Variants in SLC35F3 observed in about 807,000 individuals in gnomAD.
SLC35F3 encodes the protein solute carrier family 35 member F3, also known as putative thiamine transporter SLC35F3.
In SLC35F3, 25 loss-of-function variants were observed where a neutral mutation model predicts 49.9. The observed-to-expected ratio is 0.50, with a 90% CI of 0.37 to 0.70. The LOEUF is 0.70. Among genes scored for constraint, SLC35F3 ranks in the 30% least tolerant of loss-of-function variants. The pLI is 0.00. For missense variants in SLC35F3, 525 were observed against 639.8 expected (o/e 0.82, Z 1.94); for synonymous variants, 275 against 265.4 (o/e 1.04, Z -0.35).
chr1:234,110,690 G>A (rs4489630), intron 2 of SLC35F3, among the ~76,000 whole-genome samples: 13,811 of 152,144 alleles, frequency 0.091, 1,138 homozygotes, highest in African/African-American at 0.22. Context: ...TAGCCAGGAT[G>A]CTATGGAAGA....
intron 2 of SLC35F3, among the ~76,000 whole-genome samples, chr1:234,167,328 A>G (rs1666335197): frequency 6.6e-6 from 1 of 152,316 alleles, no homozygotes; most frequent in Admixed American, 6.5e-5. Context: ...GGCTCAGAGA[A>G]GCCAAGGAAA....
In SLC35F3 at chr1:233,905,052, C is replaced by T. The variant is rs1305812404; in HGVS notation, c.-26C>T. ...GGCCCCTCCGCCTCAAGTCTGGGAG[C>T]TGCCGGTCCCACTCTGTCTTTGCCT... On this transcript the variant is annotated 5_prime_UTR_variant, in exon 1 of 8. Transcript: ENST00000366618. 6.4e-7 allele frequency: 1 copy of T among 1,552,740 alleles called. No homozygotes were observed. The highest frequency in any genetic ancestry group is 8.7e-7 in the Non-Finnish European group (1 of 1,147,504).
At chr1:234,045,040 T>G (rs2358208) in intron 2 of SLC35F3, among the ~76,000 whole-genome samples, 11,285 of 152,188 alleles carry the variant, frequency 0.074, 665 homozygotes, top group East Asian at 0.25. Context: ...CTCCCTGTGC[T>G]TCAAGGTTGC....
Position 234,231,566 on chromosome 1 carries a change from G to C in SLC35F3, c.433G>C (p.Val145Leu), listed in dbSNP as rs1667376316. The C allele has an allele frequency of 6.2e-7, 1 of 1,614,180 alleles. No homozygotes were observed. The highest frequency in any genetic ancestry group is 8.5e-7 in the Non-Finnish European group (1 of 1,180,012). ...IFWGVAVVLCVCSSWAGSTQL... is the reference protein window; with the variant it reads ...IFWGVAVVLCLCSSWAGSTQL... ...CTGGGGCGTGGCGGTCGTGCTGTGC[G>C]TGTGCTCCTCGTGGGCGGGCTCCAC... is the stretch of plus-strand genomic sequence containing the variant. The change falls in exon 3 of 8, where the codon GTG becomes CTG. Residue 145 changes from valine (V) to leucine (L), a missense_variant. Coordinates refer to ENST00000366618, the MANE Select transcript of SLC35F3 (RefSeq NM_173508.4). This position sits in a 1 kb window ranked among gnomAD's most constrained non-coding sequence, Gnocchi z 5.4.
intron 3 of SLC35F3, among the ~76,000 whole-genome samples, chr1:234,257,767 C>T (rs1667844639): frequency 6.6e-6 from 1 of 152,264 alleles, no homozygotes; most frequent in Middle Eastern, 3.4e-3. Flanking sequence ...AAACTAATAG[C>T]TAATACAGTG....
Position 234,282,613 on chromosome 1 carries a change from G to A in SLC35F3, c.609-26488G>A, listed in dbSNP as rs12408404. On this transcript the variant is annotated intron_variant, in intron 3 of 7. Transcript: ENST00000366618. ...GGAGAATGAAAGATGGCAGAGCACC[G>A]CCAAAAGAAAACTGGTTCCATGCAA... is the stretch of plus-strand genomic sequence containing the variant. Among the ~76,000 whole-genome samples, 624 of 152,296 alleles carry A rather than the reference G, an allele frequency of 4.1e-3. 9 individuals are homozygous for A. The highest frequency in any genetic ancestry group is 0.022 in the Admixed American group (340 of 15,296).
rs774187269 is a variant in SLC35F3 at position 233,905,723 on chromosome 1, A to G, written c.248A>G (p.Tyr83Cys). ...IEERILRITG[Y>C]YGYQPWAASC... ...GAGCGGATCCTGCGCATCACTGGCT[A>G]CTATGGCTACCAGCCCTGGGCAGCG... Residue 83 changes from tyrosine to cysteine, a missense_variant, in exon 2 of 8, where the codon TAC becomes TGC. This residue lies in a region of SLC35F3 where 228 missense variants were observed against 218.9 expected (regional missense o/e 1.04). Transcript: ENST00000366618. 58 of 1,613,908 alleles carry G rather than the reference A, an allele frequency of 3.6e-5. No homozygotes were observed. The South Asian group carries it at 5.1e-4, about 14-fold the overall frequency.
chr1:234,050,271 C>T (rs1444628974), intron 2 of SLC35F3, among the ~76,000 whole-genome samples: 1 of 152,236 alleles, frequency 6.6e-6, no homozygotes, highest in Admixed American at 6.5e-5. Context: ...AAAAGTGTTC[C>T]TTTTTCTCCA....
At chr1:234,179,839 G>A (rs1666530754) in intron 2 of SLC35F3, among the ~76,000 whole-genome samples, 1 of 152,168 alleles carries the variant, frequency 6.6e-6, no homozygotes, top group Non-Finnish European at 1.5e-5. Context: ...GACAGCAAAA[G>A]CCTCTTTGAC....
chr1:234,303,416 T>C (rs1235178134), intron 3 of SLC35F3, among the ~76,000 whole-genome samples: 1 of 152,236 alleles, frequency 6.6e-6, no homozygotes, highest in Non-Finnish European at 1.5e-5. Context: ...GAGCACCCTG[T>C]TGATGCTGGG....
chr1:233,930,156 A>G (rs1386745579), intron 2 of SLC35F3, among the ~76,000 whole-genome samples: 1 of 18,798 alleles, frequency 5.3e-5, no homozygotes, highest in Non-Finnish European at 2.2e-4. Flanking sequence ...TTCTTAAAAG[A>G]AAAAAAAAAA....
chr1:234,026,904 A>G (rs1254912875), intron 2 of SLC35F3: 4 of 152,358 alleles, frequency 2.6e-5, no homozygotes. Flanking sequence ...TCCCACAAGG[A>G]TGACAAAAGT....
chr1:234,282,193 G>A (rs1229701918), intron 3 of SLC35F3, among the ~76,000 whole-genome samples: 1 of 152,224 alleles, frequency 6.6e-6, no homozygotes, highest in Non-Finnish European at 1.5e-5. Flanking sequence ...GCTGTGCTCA[G>A]TTTGGAGGAA....
intron 2 of SLC35F3, among the ~76,000 whole-genome samples, chr1:233,938,886 G>A (rs1662377323): frequency 6.6e-6 from 1 of 152,204 alleles, no homozygotes; most frequent in African/African-American, 2.4e-5. Flanking sequence ...GGTTAACAAT[G>A]TCAAACTGCA....
intron 2 of SLC35F3, among the ~76,000 whole-genome samples, chr1:234,055,709 A>G (rs945021237): frequency 6.6e-5 from 10 of 152,204 alleles, no homozygotes; most frequent in African/African-American, 1.7e-4. Context: ...TTGGAAATGC[A>G]GAAATCACCC....
At chr1:233,951,953 T>TTA (rs896930317) in intron 2 of SLC35F3, among the ~76,000 whole-genome samples, 2 of 151,666 alleles carry the variant, frequency 1.3e-5, no homozygotes, top group Admixed American at 6.5e-5. Flanking sequence ...GGGATTTCAA[T>TTA]TATATATATG....
At chr1:234,319,706 TCAAAACAAAACAAAA>T (rs59381769) in intron 6 of SLC35F3, among the ~76,000 whole-genome samples, 1 of 151,536 alleles carries the variant, frequency 6.6e-6, no homozygotes, top group Admixed American at 6.6e-5. Context: ...AGACTGTGCC[TCAAAACAAAACAAAA>T]CAAAACAAAA....
At chr1:234,170,504 G>A (rs917320428) in intron 2 of SLC35F3, among the ~76,000 whole-genome samples, 2 of 152,082 alleles carry the variant, frequency 1.3e-5, no homozygotes, top group African/African-American at 4.8e-5. Context: ...CTGGCAGGCA[G>A]ACCCCAGGGT....
Position 234,323,058 on chromosome 1 carries a change from G to T in SLC35F3, c.1288G>T (p.Ala430Ser), listed in dbSNP as rs1297742820. The T allele has an allele frequency of 6.2e-7, 1 of 1,614,032 alleles. No individual in the cohort carries two copies. Among genetic ancestry groups the T allele is most frequent in the Non-Finnish European group, 8.5e-7 (1 of 1,180,022 alleles). ...CGTCTTCAATGGGGTCCGGGTCATC[G>T]CCATCATCATCATCGGCCTGGGTTT... The part of the protein sequence containing the change: ...QIVFNGVRVI[A>S]IIIIGLGFLL... The change falls in exon 8 of 8, where the codon GCC becomes TCC. Residue 430 changes from alanine to serine, a missense_variant. By Grantham distance (99) the Ala-to-Ser change is moderately conservative. This residue lies in a region of SLC35F3 where 76 missense variants were observed against 95.6 expected (regional missense o/e 0.80). Transcript: ENST00000366618. This position sits in a 1 kb window ranked among gnomAD's most constrained non-coding sequence, Gnocchi z 4.5.
Sources: allele counts gnomAD v4.1 joint callset (sites outside exome capture counted in the v4.1 genomes callset), GRCh38; gene constraint gnomAD v4.1.1; regional missense constraint gnomAD v4.1.1; non-coding constraint Gnocchi (gnomAD v3.1); transcripts MANE v1.5; gene names NCBI Gene and HGNC (gene_info 2026-07-23, HGNC 2026-07-21).